THRB: variants seen among roughly 807,000 people sequenced by gnomAD.
The protein encoded by THRB is thyroid hormone receptor beta.
THRB carries 12 observed loss-of-function variants against 47.8 expected under a neutral mutation model. The ratio of observed to expected loss-of-function variants is 0.25; its 90% CI spans 0.16 to 0.41. The LOEUF (loss-of-function observed/expected upper bound fraction) is 0.41, where lower values mean the gene tolerates loss of function less well. Among genes scored for constraint, THRB ranks in the 10% least tolerant of loss-of-function variants. THRB has a pLI of 1.00. For synonymous variants in THRB, 218 were observed against 212.2 expected, an observed-to-expected ratio of 1.03 and a Z score of -0.24; for missense variants, 348 against 589.2, an observed-to-expected ratio of 0.59 and a Z score of 4.24.
At chr3:24,475,794 ATAAAG>A (rs1354849756) in intron 1 of THRB, among the ~76,000 whole-genome samples, 1 of 152,202 alleles carries the variant, frequency 6.6e-6, no homozygotes, top group Non-Finnish European at 1.5e-5. Flanking sequence ...AAAATGTCTA[ATAAAG>A]TAAAGATTCT....
At position 24,330,944 on chromosome 3, in the gene THRB, A is replaced by T. The variant is rs185939938; in HGVS notation, c.-189+6356T>A. ...AGTACCAAGAAAGTTGTACTGACAAACTTTGTCATTTTTGTGTAGATTACA... is the reference window on the plus strand; with the variant it reads ...AGTACCAAGAAAGTTGTACTGACAATCTTTGTCATTTTTGTGTAGATTACA... On this transcript the variant is annotated intron_variant, in intron 2 of 10. Transcript: ENST00000646209. 2.6e-5 allele frequency among the ~76,000 whole-genome samples: 4 copies of T among 152,270 alleles called. No individual in the cohort carries two copies. The East Asian group carries it at 7.7e-4, about 29-fold the overall frequency.
At chr3:24,408,884 A>G (rs2068046382) in intron 1 of THRB, among the ~76,000 whole-genome samples, 1 of 151,884 alleles carries the variant, frequency 6.6e-6, no homozygotes, top group Non-Finnish European at 1.5e-5. Flanking sequence ...TGAACATTAA[A>G]CTATACTCTA....
At chr3:24,288,396 C>A (rs1295028897) in intron 3 of THRB, among the ~76,000 whole-genome samples, 1 of 152,208 alleles carries the variant, frequency 6.6e-6, no homozygotes, top group African/African-American at 2.4e-5. Flanking sequence ...TTGTTCTCAG[C>A]TGAGAGTTGT....
chr3:24,333,505 T>G (rs554563941), intron 2 of THRB, among the ~76,000 whole-genome samples: 2 of 152,372 alleles, frequency 1.3e-5, no homozygotes, highest in African/African-American at 4.8e-5. Context: ...TGCAAAAAAG[T>G]AAATTCTGCT....
At chr3:24,253,451 C>A (rs971729926) in intron 3 of THRB, among the ~76,000 whole-genome samples, 2 of 152,160 alleles carry the variant, frequency 1.3e-5, no homozygotes, top group Non-Finnish European at 2.9e-5. Context: ...GGAGATGACA[C>A]AGGCAATTAA....
At chr3:24,263,176 T>TG in intron 3 of THRB, among the ~76,000 whole-genome samples, 1 of 152,212 alleles carries the variant, frequency 6.6e-6, no homozygotes, top group Non-Finnish European at 1.5e-5. Flanking sequence ...TTGGCATTCT[T>TG]CCAATCCCAC....
chr3:24,446,838 G>A (rs779878338), intron 1 of THRB, among the ~76,000 whole-genome samples: 16 of 152,108 alleles, frequency 1.1e-4, no homozygotes, highest in Non-Finnish European at 2.4e-4. Flanking sequence ...ACTTCCTATA[G>A]CAATACTTAC....
chr3:24,206,134 C>T (rs1375843225), intron 4 of THRB, among the ~76,000 whole-genome samples: 1 of 152,166 alleles, frequency 6.6e-6, no homozygotes, highest in Non-Finnish European at 1.5e-5. Flanking sequence ...TTGAACTCAC[C>T]TCTGCACCAA....
intron 1 of THRB, among the ~76,000 whole-genome samples, chr3:24,444,021 C>G (rs1329043112): frequency 6.6e-6 from 1 of 151,946 alleles, no homozygotes; most frequent in Non-Finnish European, 1.5e-5. Flanking sequence ...ATTCCAAAAC[C>G]CATTTTTTTA....
At chr3:24,204,343 A>T (rs2045009805) in intron 4 of THRB, among the ~76,000 whole-genome samples, 1 of 151,466 alleles carries the variant, frequency 6.6e-6, no homozygotes, top group Admixed American at 6.6e-5. Context: ...TTTGCTGTTC[A>T]GCAATATTTG....
At chr3:24,288,147 C>T (rs148160449) in intron 3 of THRB, among the ~76,000 whole-genome samples, 31 of 152,262 alleles carry the variant, frequency 2.0e-4, no homozygotes, top group East Asian at 7.7e-4. Flanking sequence ...ACCAAGTGGC[C>T]GGAGCAGGAC....
chr3:24,389,027 A>C (rs2066349124), intron 1 of THRB, among the ~76,000 whole-genome samples: 1 of 152,162 alleles, frequency 6.6e-6, no homozygotes, highest in South Asian at 2.1e-4. Flanking sequence ...AGTAGTATCT[A>C]TTCTTCTGCA....
rs2047979829 is a variant in THRB, at chr3:24,228,961, G to A, written c.-2C>T. ...ACCTGTCATACTGTTGGGAGTCATA[G>A]GTTAGTAATCATTCTGGATCCCTTT... is the stretch of plus-strand genomic sequence containing the variant. On this transcript the variant is annotated 5_prime_UTR_variant, in exon 4 of 11. Transcript: ENST00000646209. 6.2e-7 allele frequency: 1 copy of A among 1,612,144 alleles called. No homozygotes were observed. Among genetic ancestry groups the A allele is most frequent in the African/African-American group, 1.3e-5 (1 of 74,864 alleles).
chr3:24,130,977 C>T (rs571260016), intron 9 of THRB, among the ~76,000 whole-genome samples: 1 of 152,246 alleles, frequency 6.6e-6, no homozygotes, highest in East Asian at 1.9e-4. Flanking sequence ...ACGCTATGTC[C>T]TCCCATTGAA....
At chr3:24,228,422 T>C (rs2047900089) in intron 4 of THRB, among the ~76,000 whole-genome samples, 1 of 152,122 alleles carries the variant, frequency 6.6e-6, no homozygotes, top group Admixed American at 6.5e-5. Flanking sequence ...ATACACTTTC[T>C]GTGGTCACAA....
At chr3:24,189,543 C>T (rs2043069023) in intron 5 of THRB, among the ~76,000 whole-genome samples, 1 of 152,048 alleles carries the variant, frequency 6.6e-6, no homozygotes, top group African/African-American at 2.4e-5. Context: ...TATGAGCTGA[C>T]AACCTCCTAA....
intron 5 of THRB, among the ~76,000 whole-genome samples, chr3:24,186,806 C>A (rs1473320503): frequency 1.3e-5 from 2 of 151,774 alleles, no homozygotes; most frequent in African/African-American, 4.8e-5. Flanking sequence ...ATTAGCTGGG[C>A]ATGTGGTGCA....
At chr3:24,379,402 G>A (rs1240452193) in intron 1 of THRB, among the ~76,000 whole-genome samples, 13 of 152,200 alleles carry the variant, frequency 8.5e-5, no homozygotes, top group African/African-American at 2.9e-4. Context: ...ATCTTGAGAC[G>A]AACATTGTCT....
intron 5 of THRB, among the ~76,000 whole-genome samples, chr3:24,186,766 C>T (rs1321693003): frequency 6.6e-6 from 1 of 151,600 alleles, no homozygotes; most frequent in East Asian, 1.9e-4. Context: ...GCCAACATGG[C>T]GAAATCCTGT....
Sources: gnomAD v4.1 joint callset for allele counts (sites outside exome capture counted in the v4.1 genomes callset) on GRCh38, gnomAD v4.1.1 for gene constraint, MANE v1.5 for transcripts, NCBI Gene and HGNC (gene_info 2026-07-23, HGNC 2026-07-21) for gene names.